The following LUC7L2 variants were observed in gnomAD, a reference collection of about 807,000 sequenced individuals.
LUC7L2 encodes the protein putative RNA-binding protein Luc7-like 2.
LUC7L2 carries 25 observed loss-of-function variants against 52.8 expected under a neutral mutation model. The ratio of observed to expected loss-of-function variants is 0.47; its 90% CI spans 0.34 to 0.66. The LOEUF is 0.66. LUC7L2 is among the 30% of genes least tolerant of loss of function. LUC7L2 has a pLI of 0.01. For synonymous variants in LUC7L2, 144 were observed against 160.9 expected, an observed-to-expected ratio of 0.89 and a Z score of 0.80; for missense variants, 328 against 497.8, an observed-to-expected ratio of 0.66 and a Z score of 3.25.
intron 1 of LUC7L2, among the ~76,000 whole-genome samples, chr7:139,348,472 G>T (rs1360710891): frequency 1.3e-5 from 2 of 152,130 alleles, no homozygotes; most frequent in Non-Finnish European, 2.9e-5. Context: ...TGTAATCCCA[G>T]CACTTTGAGC....
chr7:139,380,034 C>T (rs1408042009), intron 2 of LUC7L2, among the ~76,000 whole-genome samples: 1 of 151,282 alleles, frequency 6.6e-6, no homozygotes, highest in Non-Finnish European at 1.5e-5. Flanking sequence ...AAAAAATTAG[C>T]CGGGCGTAGT....
chr7:139,350,234 G>C (rs1799407884), intron 1 of LUC7L2, among the ~76,000 whole-genome samples: 2 of 151,988 alleles, frequency 1.3e-5, no homozygotes, highest in Non-Finnish European at 2.9e-5. Flanking sequence ...CCATTCTCCT[G>C]CCTCAGCCTC....
upstream of LUC7L2, chr7:139,359,810 T>A (rs917791479): frequency 3.9e-4 from 151 of 382,612 alleles, 1 homozygote; most frequent in Non-Finnish European, 2.0e-4. Context: ...GGAACTCCAC[T>A]CGGGCGGGGC....
At chr7:139,398,828 T>A in intron 3 of LUC7L2, 131 bp downstream of exon 3, 1 of 687,284 alleles carries the variant, frequency 1.5e-6, no homozygotes, top group Non-Finnish European at 2.2e-6. Context: ...AAGACTCAAG[T>A]AAGATCATGT....
At chr7:139,418,985 C>T (rs771260693) in intron 9 of LUC7L2, among the ~76,000 whole-genome samples, 2 of 152,124 alleles carry the variant, frequency 1.3e-5, no homozygotes, top group Non-Finnish European at 2.9e-5. Context: ...GTGGCACATG[C>T]CTGTAATCCC....
chr7:139,395,790 G>A (rs1794633436), intron 2 of LUC7L2, among the ~76,000 whole-genome samples: 1 of 152,042 alleles, frequency 6.6e-6, no homozygotes, highest in Admixed American at 6.6e-5. Flanking sequence ...ACAAGCATGG[G>A]CCACCATGCC....
intron 8 of LUC7L2, 198 bp downstream of exon 8, chr7:139,412,778 T>C: frequency 2.8e-6 from 1 of 355,066 alleles, no homozygotes; most frequent in East Asian, 5.5e-5. Context: ...TGAGCCAAGA[T>C]AGCACCACTG....
upstream of LUC7L2, chr7:139,359,154 G>C (rs1225363017): frequency 6.6e-6 from 1 of 152,248 alleles, no homozygotes; most frequent in Admixed American, 6.5e-5. Context: ...CCGGGCTTCA[G>C]AATCCAGGCT....
Position 139,398,757 on chromosome 7 carries a change from G to A in LUC7L2, c.255+60G>A, listed in dbSNP as rs140412210. On this transcript the variant is annotated intron_variant, in intron 3 of 9. Transcript: ENST00000354926. ...TTTTGCTGTAAAACATTGTGAATGT[G>A]GATTAAGATCTCTTAATAGGAAAAA... The A allele has an allele frequency of 1.2e-5, 18 of 1,505,952 alleles. No individual in the cohort carries two copies. The Middle Eastern group carries it at 8.7e-4, about 72-fold the overall frequency. The allele number at this position is 1,505,952 out of a possible 1,614,324, so 93.3% of individuals were successfully genotyped here.
At chr7:139,353,610 T>C (rs1334651968) in intron 1 of LUC7L2, among the ~76,000 whole-genome samples, 2 of 152,138 alleles carry the variant, frequency 1.3e-5, no homozygotes, top group African/African-American at 4.8e-5. Flanking sequence ...CTGGCCAACA[T>C]GGTGAAACCC....
intron 9 of LUC7L2, among the ~76,000 whole-genome samples, chr7:139,419,803 A>AAAACT (rs1795803915): frequency 6.6e-6 from 1 of 152,220 alleles, no homozygotes; most frequent in East Asian, 1.9e-4. Flanking sequence ...TTATTTTTGT[A>AAAACT]AAACTATTAA....
At chr7:139,382,050 A>AT (rs1445862838) in intron 2 of LUC7L2, among the ~76,000 whole-genome samples, 5 of 151,608 alleles carry the variant, frequency 3.3e-5, no homozygotes, top group Admixed American at 1.3e-4. Flanking sequence ...GGCCTGGCTA[A>AT]TTTTTTGTAT....
chr7:139,368,258 A>G (rs1800264915), intron 1 of LUC7L2, among the ~76,000 whole-genome samples: 1 of 152,158 alleles, frequency 6.6e-6, no homozygotes, highest in African/African-American at 2.4e-5. Flanking sequence ...TGCTTCTGTC[A>G]TCTTTTGACC....
chr7:139,348,882 T>C (rs1359003076), intron 1 of LUC7L2, among the ~76,000 whole-genome samples: 1 of 151,592 alleles, frequency 6.6e-6, no homozygotes, highest in Non-Finnish European at 1.5e-5. Flanking sequence ...CACTTAGGGC[T>C]GGGCATGGTG....
chr7:139,407,455 A>G (rs1266363891), intron 6 of LUC7L2, 105 bp downstream of exon 6: 4 of 1,310,100 alleles, frequency 3.1e-6, no homozygotes. Flanking sequence ...TATAGTATCT[A>G]ATGATTAATA....
At chr7:139,361,345 T>A (rs1799870295) in intron 1 of LUC7L2, among the ~76,000 whole-genome samples, 1 of 152,384 alleles carries the variant, frequency 6.6e-6, no homozygotes, top group Non-Finnish European at 1.5e-5. Context: ...GCTTTTTTTC[T>A]TGAGAAGTTA....
chr7:139,341,666 C>T, intron 1 of LUC7L2: 2 of 1,402,588 alleles, frequency 1.4e-6, no homozygotes, highest in South Asian at 1.5e-5. Context: ...CAAACCAACC[C>T]AGGCCCTAGG....
intron 2 of LUC7L2, among the ~76,000 whole-genome samples, chr7:139,380,868 T>C (rs575011219): frequency 1.3e-5 from 2 of 152,302 alleles, no homozygotes; most frequent in Admixed American, 1.3e-4. Context: ...ATCTAGTTCC[T>C]AGTGATCGGG....
At chr7:139,351,660 C>CT (rs1563251187) in intron 1 of LUC7L2, among the ~76,000 whole-genome samples, 1 of 152,218 alleles carries the variant, frequency 6.6e-6, no homozygotes. Flanking sequence ...TCTCTATTCT[C>CT]TGTGTTTGAC....
Sources: allele counts gnomAD v4.1 joint callset (sites outside exome capture counted in the v4.1 genomes callset), GRCh38; gene constraint gnomAD v4.1.1; transcripts MANE v1.5; gene names NCBI Gene and HGNC (gene_info 2026-07-23, HGNC 2026-07-21).